YBEY: variants seen among roughly 807,000 people sequenced by gnomAD.
YBEY encodes the protein ybeY metalloendoribonuclease, also known as endoribonuclease YbeY.
YBEY carries 15 observed loss-of-function variants against 13.5 expected under a neutral mutation model. The ratio of observed to expected loss-of-function variants is 1.11; its 90% confidence interval spans 0.75 to 1.72. YBEY has a LOEUF of 1.72. Among genes scored for constraint, YBEY ranks in the 40% most tolerant of loss-of-function variants. The pLI is 0.00. For synonymous variants in YBEY, 101 were observed against 83.1 expected, an observed-to-expected ratio of 1.21 and a Z score of -1.17; for missense variants, 244 against 208.4, an observed-to-expected ratio of 1.17 and a Z score of -1.05.
At position 46,287,022 on chromosome 21, in the gene YBEY, C is replaced by T; in HGVS notation, c.109C>T (p.Leu37=). 6.2e-7 allele frequency: 1 copy of T among 1,613,932 alleles called. No individual in the cohort carries two copies. Among genetic ancestry groups the T allele is most frequent in the South Asian group, 1.1e-5 (1 of 91,068 alleles). ...GATTTTAGGAGTGCAGAAATTTGAC[C>T]TGGGGATCATCTGTGTTGACAACAA... is the stretch of plus-strand genomic sequence containing the variant. ...RRILGVQKFD[L]GIICVDNKNI... The change falls in exon 2 of 5, where the codon CTG becomes TTG. Residue 37 remains leucine (L), a synonymous_variant. Coordinates refer to ENST00000397701, the MANE Select transcript of YBEY (RefSeq NM_001314025.2).
At chr21:46,301,443 T>TAC, downstream of YBEY, 2 of 976,332 alleles carry the variant, frequency 2.0e-6, no homozygotes, top group Non-Finnish European at 2.4e-6. Flanking sequence ...CATGCACCCC[T>TAC]ACTTCTTTAG....
At chr21:46,288,990 C>T (rs1025083655) in intron 2 of YBEY, among the ~76,000 whole-genome samples, 2 of 152,198 alleles carry the variant, frequency 1.3e-5, no homozygotes, top group African/African-American at 2.4e-5. Context: ...CACCTCTGCA[C>T]TCCACCCTGG....
rs530733140 is a variant in YBEY, at chr21:46,297,440, C to T, written c.409-99C>T. 5.7e-5 allele frequency: 68 copies of T among 1,201,548 alleles called. 5 individuals are homozygous for T. In the South Asian group the frequency reaches 1.9e-3, roughly 33 times the overall value. 74.4% of individuals were successfully genotyped at this position (1,201,548 alleles called of 1,614,324 possible). On this transcript the variant is annotated intron_variant, in intron 4 of 4. Transcript: ENST00000397701. ...TAGAGCCGCGCGGGCGGCCGGCTTC[C>T]CCCAAACCCTGTGGGAGGGGCATCC...
the YBEY span, among the ~76,000 whole-genome samples, chr21:46,309,996 AAAAATAAAATAAAAT>A: frequency 6.6e-6 from 1 of 152,080 alleles, no homozygotes; most frequent in South Asian, 2.1e-4. Context: ...ACTCTGTCTC[AAAAATAAAATAAAAT>A]AAAATAAAAT....
the YBEY span, among the ~76,000 whole-genome samples, chr21:46,310,868 T>C: frequency 1.2e-4 from 18 of 151,882 alleles, no homozygotes; most frequent in African/African-American, 3.6e-4. Context: ...TAAAAGCTAT[T>C]ATTATTATTA....
chr21:46,289,347 A>G (rs2081596284), intron 2 of YBEY, among the ~76,000 whole-genome samples: 1 of 151,866 alleles, frequency 6.6e-6, no homozygotes, highest in Admixed American at 6.6e-5. Context: ...AAGGATGTTT[A>G]TTTGGGATAG....
chr21:46,290,112 TGA>T (rs1172866958), intron 2 of YBEY, among the ~76,000 whole-genome samples: 1 of 152,136 alleles, frequency 6.6e-6, no homozygotes, highest in African/African-American at 2.4e-5. Flanking sequence ...CATGGAAGTA[TGA>T]GAATCCTCTC....
intron 3 of YBEY, among the ~76,000 whole-genome samples, chr21:46,292,564 A>G (rs111428770): frequency 0.027 from 3,081 of 114,734 alleles, 163 homozygotes; most frequent in African/African-American, 0.052. Context: ...ACGCAAGTTA[A>G]ACTCTAGATT....
intron 1 of YBEY, 200 bp from the exon 2 acceptor site, chr21:46,286,670 C>G: frequency 2.7e-6 from 1 of 372,520 alleles, no homozygotes; most frequent in Non-Finnish European, 4.8e-6. Flanking sequence ...GCTCCGCCCG[C>G]CTGGAGTCCT....
rs2081521110 is a variant in YBEY, at chr21:46,287,761, C to T, written c.210+638C>T. Among the ~76,000 whole-genome samples the T allele has an allele frequency of 2.6e-5, 4 of 152,016 alleles. No individual in the cohort carries two copies. The South Asian group carries it at 6.2e-4, about 24-fold the overall frequency. Reference sequence around the variant, plus strand: ...ATCCCAGCACTTTGGGAGCCCGAGGCGGGTGGTTCACCTGAGGTCAGGAGT... The same window carrying T: ...ATCCCAGCACTTTGGGAGCCCGAGGTGGGTGGTTCACCTGAGGTCAGGAGT... On this transcript the variant is annotated intron_variant, in intron 2 of 4. Coordinates refer to ENST00000397701, the MANE Select transcript of YBEY (RefSeq NM_001314025.2).
intron 3 of YBEY, among the ~76,000 whole-genome samples, chr21:46,295,192 T>G (rs12627400): frequency 0.55 from 83,385 of 151,930 alleles, 23,767 homozygotes; most frequent in Non-Finnish European, 0.62. Context: ...AGCCCTCTCC[T>G]TGGGGCTCCC....
intron 2 of YBEY, 46 bp downstream of exon 2, chr21:46,287,169 G>C: frequency 6.6e-7 from 1 of 1,517,166 alleles, no homozygotes; most frequent in East Asian, 2.3e-5. Context: ...TCTTCCCAGA[G>C]TAAATTTCCT....
At chr21:46,301,930 CCA>C (rs1188141861), downstream of YBEY, 2 of 1,404,844 alleles carry the variant, frequency 1.4e-6, no homozygotes, top group East Asian at 5.6e-5. Flanking sequence ...CATAGTCCCG[CCA>C]CAGCCCACAG....
the YBEY span, among the ~76,000 whole-genome samples, chr21:46,303,983 C>T: frequency 1.4e-5 from 2 of 142,564 alleles, no homozygotes; most frequent in Non-Finnish European, 3.0e-5. Context: ...GATCTCCTGA[C>T]CTCATGATCC....
intron 3 of YBEY, 168 bp downstream of exon 3, chr21:46,291,630 C>T (rs867813783): frequency 2.1e-6 from 3 of 1,415,960 alleles, no homozygotes; most frequent in Middle Eastern, 2.0e-4. Flanking sequence ...GTAGGGACTG[C>T]ATGCCCCATG....
At chr21:46,293,234 C>G (rs2081811825) in intron 3 of YBEY, among the ~76,000 whole-genome samples, 1 of 87,152 alleles carries the variant, frequency 1.1e-5, no homozygotes, top group African/African-American at 3.6e-5. Context: ...AAGTTAAACT[C>G]TAGATTAAAT....
At chr21:46,300,624 G>A (rs1415440207), downstream of YBEY, 13 of 1,207,724 alleles carry the variant, frequency 1.1e-5, no homozygotes, top group Admixed American at 3.3e-5. Flanking sequence ...TGGGCCCTTC[G>A]GTGTTCACAC....
At chr21:46,303,728 TATATATATATATA>T in the YBEY span, among the ~76,000 whole-genome samples, 3 of 26,822 alleles carry the variant, frequency 1.1e-4, no homozygotes, top group Non-Finnish European at 1.4e-4. Flanking sequence ...TATATATATA[TATATATATATATA>T]TATATTTTTT....
chr21:46,309,974 G>A, the YBEY span, among the ~76,000 whole-genome samples: 1 of 152,202 alleles, frequency 6.6e-6, no homozygotes, highest in Middle Eastern at 3.4e-3. Context: ...TCCAGCCTAG[G>A]CGACAGGCAA....
Sources: gnomAD v4.1 joint callset for allele counts (sites outside exome capture counted in the v4.1 genomes callset) on GRCh38, gnomAD v4.1.1 for gene constraint, MANE v1.5 for transcripts, NCBI Gene and HGNC (gene_info 2026-07-23, HGNC 2026-07-21) for gene names.